The following TACR1 variants were observed in gnomAD, a reference collection of about 807,000 sequenced individuals.
The protein encoded by TACR1 is substance-P receptor.
A neutral mutation model predicts 35.8 loss-of-function variants in TACR1; 25 were observed. The ratio of observed to expected loss-of-function variants is 0.70; its 90% CI spans 0.51 to 0.98. The LOEUF is 0.98. TACR1 is among the 50% of genes least tolerant of loss of function. The pLI, the probability that TACR1 is intolerant of heterozygous loss-of-function variation, is 0.00. For missense variants in TACR1, 478 were observed against 522.9 expected, an observed-to-expected ratio of 0.91 and a Z score of 0.84; for synonymous variants, 195 against 206.7, an observed-to-expected ratio of 0.94 and a Z score of 0.48.
chr2:75,114,235 T>A (rs1673808102), intron 2 of TACR1, among the ~76,000 whole-genome samples: 1 of 152,238 alleles, frequency 6.6e-6, no homozygotes, highest in Non-Finnish European at 1.5e-5. Flanking sequence ...AGAATAGGAA[T>A]GTCTTACTTC....
At chr2:75,177,234 T>A (rs1253702311) in intron 1 of TACR1, among the ~76,000 whole-genome samples, 3 of 152,158 alleles carry the variant, frequency 2.0e-5, no homozygotes, top group Admixed American at 6.5e-5. Flanking sequence ...ACTCATTTAT[T>A]GCTCATTCCC....
intron 1 of TACR1, among the ~76,000 whole-genome samples, chr2:75,123,854 A>C (rs1307014407): frequency 2.6e-5 from 4 of 152,052 alleles, no homozygotes; most frequent in Non-Finnish European, 5.9e-5. Flanking sequence ...CCTACTCCCC[A>C]CTTCTAGCTA....
At chr2:75,118,352 A>T (rs1460708545) in intron 2 of TACR1, among the ~76,000 whole-genome samples, 1 of 152,242 alleles carries the variant, frequency 6.6e-6, no homozygotes. Context: ...GTATCAATAA[A>T]CATGTTACAC....
At chr2:75,167,588 GTAAAC>G in intron 1 of TACR1, among the ~76,000 whole-genome samples, 1 of 152,254 alleles carries the variant, frequency 6.6e-6, no homozygotes, top group South Asian at 2.1e-4. Context: ...GGCACAATTG[GTAAAC>G]TATTTGGAAA....
chr2:75,088,183 G>A (rs1006379770), intron 2 of TACR1, among the ~76,000 whole-genome samples: 9 of 152,084 alleles, frequency 5.9e-5, no homozygotes, highest in African/African-American at 1.9e-4. Flanking sequence ...TTCTGTGGCC[G>A]CACTCAGCCC....
chr2:75,151,570 C>CGT (rs1310125668), intron 1 of TACR1, among the ~76,000 whole-genome samples: 5 of 152,216 alleles, frequency 3.3e-5, no homozygotes, highest in African/African-American at 1.2e-4. Flanking sequence ...TATGGAAGTA[C>CGT]CTGGATGCCC....
At chr2:75,157,028 A>T (rs527682841) in intron 1 of TACR1, among the ~76,000 whole-genome samples, 2 of 152,158 alleles carry the variant, frequency 1.3e-5, no homozygotes, top group Non-Finnish European at 2.9e-5. Context: ...CCATTTCTCC[A>T]AAGGACTCAT....
chr2:75,145,235 CTT>C (rs1674483229), intron 1 of TACR1, among the ~76,000 whole-genome samples: 1 of 151,932 alleles, frequency 6.6e-6, no homozygotes, highest in Non-Finnish European at 1.5e-5. Context: ...AATAATATGT[CTT>C]TAATTAAATA....
intron 1 of TACR1, among the ~76,000 whole-genome samples, chr2:75,172,774 G>A (rs1675321677): frequency 6.6e-6 from 1 of 152,136 alleles, no homozygotes; most frequent in Non-Finnish European, 1.5e-5. Flanking sequence ...TAGTTTTGGA[G>A]GCTAGAAGTC....
At chr2:75,091,485 A>T (rs1673311531) in intron 2 of TACR1, among the ~76,000 whole-genome samples, 1 of 152,132 alleles carries the variant, frequency 6.6e-6, no homozygotes, top group African/African-American at 2.4e-5. Flanking sequence ...TCTTTTCCAT[A>T]ATCCTATAAG....
intron 1 of TACR1, among the ~76,000 whole-genome samples, chr2:75,131,965 A>G (rs77769822): frequency 0.027 from 4,156 of 152,266 alleles, 126 homozygotes; most frequent in Non-Finnish European, 0.037. Context: ...CAATTTCTCA[A>G]TACAAATCTG....
intron 1 of TACR1, among the ~76,000 whole-genome samples, chr2:75,190,358 C>CCAAA (rs1225756557): frequency 2.6e-5 from 4 of 152,164 alleles, no homozygotes; most frequent in African/African-American, 9.7e-5. Context: ...TACTGGTAGA[C>CCAAA]TGTGTGTACA....
intron 1 of TACR1, among the ~76,000 whole-genome samples, chr2:75,172,564 T>A (rs1321343009): frequency 6.6e-6 from 1 of 151,954 alleles, no homozygotes; most frequent in African/African-American, 2.4e-5. Flanking sequence ...GTCCCTTCCC[T>A]GTCTTCTCCT....
intron 1 of TACR1, among the ~76,000 whole-genome samples, chr2:75,181,837 A>C (rs1675566149): frequency 2.0e-5 from 3 of 152,204 alleles, no homozygotes. Flanking sequence ...TCATAAATGC[A>C]GTTAACTTGT....
chr2:75,070,143 C>A (rs527473359), intron 2 of TACR1, among the ~76,000 whole-genome samples: 6 of 151,962 alleles, frequency 3.9e-5, no homozygotes, highest in Non-Finnish European at 8.8e-5. Flanking sequence ...AATATTATGT[C>A]ATTTATTTTG....
At chr2:75,167,563 C>G (rs1385587226) in intron 1 of TACR1, among the ~76,000 whole-genome samples, 1 of 152,042 alleles carries the variant, frequency 6.6e-6, no homozygotes, top group Non-Finnish European at 1.5e-5. Flanking sequence ...GAAACATTTG[C>G]CAAGACATCC....
chr2:75,047,714 T>C lies in TACR1; in HGVS notation c.*1718A>G, dbSNP rs1051826529. 2 of 152,256 alleles carry C rather than the reference T, an allele frequency of 1.3e-5. No individual in the cohort carries two copies. The highest frequency in any genetic ancestry group is 6.5e-5 in the Admixed American group (1 of 15,292). 9.4% of individuals were successfully genotyped at this position (152,256 alleles called of 1,614,324 possible). A position where few individuals can be genotyped will look rare whatever the true frequency, so the allele number is the denominator to read the frequency against. ...GCTTCACTTAGTTTATTTAAAACTT[T>C]CCATGCTGCTTTAGAGAATGTAGTT... is the stretch of plus-strand genomic sequence containing the variant. On this transcript the variant is annotated 3_prime_UTR_variant, in exon 5 of 5. Transcript: ENST00000305249.
intron 2 of TACR1, among the ~76,000 whole-genome samples, chr2:75,085,854 C>T (rs1260610153): frequency 6.6e-6 from 1 of 152,198 alleles, no homozygotes; most frequent in African/African-American, 2.4e-5. Context: ...ATTCCATAAA[C>T]TCATTCTCTT....
In TACR1 at chr2:75,154,410, G is replaced by GCGCGCGCGCGCGCGCGCA. The variant is rs1166779798; in HGVS notation, c.390-33643_390-33642insTGCGCGCGCGCGCGCGCG. 4.4e-4 allele frequency: 33 copies of GCGCGCGCGCGCGCGCGCA among 75,352 alleles called. 5 individuals are homozygous for GCGCGCGCGCGCGCGCGCA. Among genetic ancestry groups the GCGCGCGCGCGCGCGCGCA allele is most frequent in the Non-Finnish European group, 6.8e-4 (24 of 35,104 alleles). The allele number at this position is 75,352 out of a possible 1,614,324, so 4.7% of individuals were successfully genotyped here. ...GAGATAATCAGCCAAGAGCGCGCACGCACACACACACACACACACACACAC... is the reference window on the plus strand; with the variant it reads ...GAGATAATCAGCCAAGAGCGCGCACGCGCGCGCGCGCGCGCGCACACACACACACACACACACACACAC... On this transcript the variant is annotated intron_variant, in intron 1 of 4. Transcript: ENST00000305249.
Sources: allele counts gnomAD v4.1 joint callset (sites outside exome capture counted in the v4.1 genomes callset), GRCh38; gene constraint gnomAD v4.1.1; transcripts MANE v1.5; gene names NCBI Gene and HGNC (gene_info 2026-07-23, HGNC 2026-07-21).